The following BACH2 variants were observed in gnomAD, a reference collection of about 807,000 sequenced individuals.
BACH2 encodes the protein transcription regulator protein BACH2.
Under a neutral mutation model 61.8 loss-of-function variants are expected in BACH2, and 5 were observed. The ratio of observed to expected loss-of-function variants is 0.08; its 90% CI spans 0.04 to 0.17. BACH2 has a LOEUF of 0.17. BACH2 is among the 10% of genes least tolerant of loss of function. The pLI, the probability that BACH2 is intolerant of heterozygous loss-of-function variation, is 1.00. For missense variants in BACH2, 824 were observed against 1,091.1 expected, an observed-to-expected ratio of 0.76 and a Z score of 3.45; for synonymous variants, 446 against 440.1, an observed-to-expected ratio of 1.01 and a Z score of -0.17.
At chr6:89,990,767 T>TGG (rs1776500882) in intron 6 of BACH2, among the ~76,000 whole-genome samples, 1 of 152,188 alleles carries the variant, frequency 6.6e-6, no homozygotes, top group African/African-American at 2.4e-5. Flanking sequence ...TATTTTCTCT[T>TGG]AAGTTGCTGA....
At chr6:90,272,908 A>G (rs1771573126) in intron 1 of BACH2, among the ~76,000 whole-genome samples, 1 of 152,142 alleles carries the variant, frequency 6.6e-6, no homozygotes, top group Non-Finnish European at 1.5e-5. Context: ...ATCCCCAGCA[A>G]TTTGAGAATC....
rs79556492 is a variant in BACH2, at chr6:90,002,175, T to C, written c.243+6427A>G. On this transcript the variant is annotated intron_variant, in intron 6 of 8. Transcript: ENST00000257749. Reference sequence around the variant, plus strand: ...CTGGCTTACCACGCACTATGCTTTGTTGCTTTTCCTCCCACCTCAGGCTTG... The same window carrying C: ...CTGGCTTACCACGCACTATGCTTTGCTGCTTTTCCTCCCACCTCAGGCTTG... 5.4e-3 allele frequency among the ~76,000 whole-genome samples: 817 copies of C among 152,306 alleles called. 7 individuals carry two copies. Among genetic ancestry groups the C allele is most frequent in the Non-Finnish European group, 8.3e-3 (563 of 68,030 alleles).
At chr6:90,108,299 G>A (rs148707470) in intron 4 of BACH2, among the ~76,000 whole-genome samples, 39 of 152,208 alleles carry the variant, frequency 2.6e-4, no homozygotes, top group African/African-American at 9.2e-4. Context: ...TACCCTCCTG[G>A]GAAGGTGGAC....
intron 3 of BACH2, among the ~76,000 whole-genome samples, chr6:90,244,024 T>C (rs1256508744): frequency 6.6e-6 from 1 of 152,172 alleles, no homozygotes; most frequent in East Asian, 1.9e-4. Context: ...TGGGTTCAAA[T>C]GATTCTCATG....
chr6:90,216,818 C>CG (rs1196619763), intron 3 of BACH2, among the ~76,000 whole-genome samples: 1 of 151,958 alleles, frequency 6.6e-6, no homozygotes, highest in Non-Finnish European at 1.5e-5. Context: ...TGTCATGACC[C>CG]GGGGGAGGGT....
chr6:90,060,838 A>T (rs563717587), intron 5 of BACH2, among the ~76,000 whole-genome samples: 1 of 152,312 alleles, frequency 6.6e-6, no homozygotes, highest in East Asian at 1.9e-4. Flanking sequence ...TTAAACTGGG[A>T]GTTGCAGTAC....
intron 4 of BACH2, among the ~76,000 whole-genome samples, chr6:90,112,729 G>A (rs539500240): frequency 2.6e-5 from 4 of 152,236 alleles, no homozygotes; most frequent in African/African-American, 9.6e-5. Context: ...ACAGCACAAT[G>A]ACATAACCAA....
Position 90,196,710 on chromosome 6 carries a change from G to A in BACH2, c.-162+9859C>T, listed in dbSNP as rs146854913. Among the ~76,000 whole-genome samples the A allele has an allele frequency of 1.7e-3, 264 of 151,864 alleles. 1 individual carries two copies. The highest frequency in any genetic ancestry group is 0.013 in the East Asian group (65 of 5,176). On this transcript the variant is annotated intron_variant, in intron 4 of 8. Coordinates refer to ENST00000257749, the MANE Select transcript of BACH2 (RefSeq NM_021813.4). ...AGGTGCTCCTTGATCACTATGACAC[G>A]CGATGATACTTTATCTCTCTGGTTA... is the stretch of plus-strand genomic sequence containing the variant.
At chr6:90,077,657 A>G (rs181384523) in intron 5 of BACH2, among the ~76,000 whole-genome samples, 5 of 152,326 alleles carry the variant, frequency 3.3e-5, no homozygotes, top group Non-Finnish European at 5.9e-5. Flanking sequence ...ATTGAAAAAC[A>G]ACCCAGCAAA....
chr6:90,157,317 GA>G (rs1194829944), intron 4 of BACH2, among the ~76,000 whole-genome samples: 8 of 152,228 alleles, frequency 5.3e-5, no homozygotes, highest in East Asian at 1.9e-4. Context: ...TGAGAAAAGA[GA>G]AAACAATTAC....
At chr6:90,125,705 C>T (rs1165887708) in intron 4 of BACH2, among the ~76,000 whole-genome samples, 1 of 152,190 alleles carries the variant, frequency 6.6e-6, no homozygotes, top group Admixed American at 6.5e-5. Flanking sequence ...GCACATGCAT[C>T]CCTCACACCC....
chr6:90,229,290 C>G (rs1463974508), intron 3 of BACH2, among the ~76,000 whole-genome samples: 1 of 152,158 alleles, frequency 6.6e-6, no homozygotes, highest in East Asian at 1.9e-4. Context: ...GAAACCCCGT[C>G]TATACTAAAA....
intron 7 of BACH2, among the ~76,000 whole-genome samples, chr6:89,947,167 C>A (rs1425504915): frequency 6.6e-6 from 1 of 152,178 alleles, no homozygotes; most frequent in Admixed American, 6.5e-5. Flanking sequence ...AAAGAGAAGG[C>A]ACCTGGATCC....
intron 4 of BACH2, among the ~76,000 whole-genome samples, chr6:90,098,324 T>TA (rs1407025728): frequency 6.6e-6 from 1 of 151,508 alleles, no homozygotes; most frequent in Non-Finnish European, 1.5e-5. Context: ...ACCTCAAATG[T>TA]ACCAACATCC....
rs1306785664 is a variant in BACH2 at position 90,092,311 on chromosome 6, T to TACAC, written c.-161-3203_-161-3202insGTGT. On this transcript the variant is annotated intron_variant, in intron 4 of 8. Coordinates refer to ENST00000257749, the MANE Select transcript of BACH2 (RefSeq NM_021813.4). The stretch of plus-strand genomic sequence containing the variant: ...AAAAAAATATATATATATATATATA[T>TACAC]ATATACACACACACACATTGCATCA... 3.6e-3 allele frequency among the ~76,000 whole-genome samples: 456 copies of TACAC among 126,450 alleles called. 7 individuals are homozygous for TACAC. The highest frequency in any genetic ancestry group is 0.017 in the African/African-American group (439 of 26,562). 83.0% of individuals were successfully genotyped at this position (126,450 alleles called of 152,430 possible).
intron 4 of BACH2, among the ~76,000 whole-genome samples, chr6:90,102,220 T>C (rs2127812168): frequency 6.6e-6 from 1 of 152,254 alleles, no homozygotes; most frequent in East Asian, 1.9e-4. Flanking sequence ...TGGGTTATGG[T>C]CTTGGTGGCA....
chr6:89,995,033 T>C (rs1776771319), intron 6 of BACH2, among the ~76,000 whole-genome samples: 1 of 152,190 alleles, frequency 6.6e-6, no homozygotes, highest in African/African-American at 2.4e-5. Context: ...ACTTGGGTCA[T>C]ATTTGAGTTT....
intron 1 of BACH2, among the ~76,000 whole-genome samples, chr6:90,272,599 T>C (rs1215249961): frequency 5.3e-5 from 8 of 152,246 alleles, no homozygotes; most frequent in Admixed American, 3.9e-4. Context: ...AGCTTGTCTA[T>C]TGACCTCATT....
intron 1 of BACH2, among the ~76,000 whole-genome samples, chr6:90,295,687 C>G (rs527344639): frequency 7.0e-6 from 1 of 142,684 alleles, no homozygotes; most frequent in South Asian, 2.1e-4. Flanking sequence ...GTGTGTGTTG[C>G]ACCTTGACTT....
Sources: allele counts gnomAD v4.1 joint callset (sites outside exome capture counted in the v4.1 genomes callset), GRCh38; gene constraint gnomAD v4.1.1; transcripts MANE v1.5; gene names NCBI Gene and HGNC (gene_info 2026-07-23, HGNC 2026-07-21).